Variants in NCKAP5 observed in about 807,000 individuals in gnomAD.
NCKAP5 encodes the protein NCK associated protein 5.
Under a neutral mutation model 167.0 loss-of-function variants are expected in NCKAP5, and 92 were observed. The observed-to-expected ratio is 0.55, with a 90% CI of 0.47 to 0.66. The LOEUF is 0.66. Ranked by LOEUF, NCKAP5 falls within the 30% of genes least tolerant of loss-of-function variation. The pLI, the probability that NCKAP5 is intolerant of heterozygous loss-of-function variation, is 0.00. For synonymous variants in NCKAP5, 891 were observed against 877.4 expected (o/e 1.02, Z -0.27); for missense variants, 2,378 against 2,315.0 (o/e 1.03, Z -0.56).
intron 5 of NCKAP5, among the ~76,000 whole-genome samples, chr2:133,134,941 C>T (rs1266077938): frequency 1.3e-5 from 2 of 152,128 alleles, no homozygotes; most frequent in African/African-American, 4.8e-5. Flanking sequence ...CAGCTATGTA[C>T]CCCCAACATG....
At chr2:132,724,783 T>G (rs1690285366) in intron 19 of NCKAP5, among the ~76,000 whole-genome samples, 1 of 152,134 alleles carries the variant, frequency 6.6e-6, no homozygotes, top group African/African-American at 2.4e-5. Context: ...TAATGAGCTC[T>G]TCTTACATGC....
At chr2:132,756,142 A>G (rs1239664442) in intron 16 of NCKAP5, among the ~76,000 whole-genome samples, 1 of 152,038 alleles carries the variant, frequency 6.6e-6, no homozygotes, top group Non-Finnish European at 1.5e-5. Flanking sequence ...ATCAATGAAA[A>G]CACACTCAAA....
At chr2:133,384,293 G>T (rs1254541630) in intron 3 of NCKAP5, among the ~76,000 whole-genome samples, 1 of 152,112 alleles carries the variant, frequency 6.6e-6, no homozygotes, top group African/African-American at 2.4e-5. Flanking sequence ...AGTTTTCCCA[G>T]CACCATTTAT....
intron 6 of NCKAP5, among the ~76,000 whole-genome samples, chr2:133,003,101 A>G (rs2077843260): frequency 6.6e-6 from 1 of 152,174 alleles, no homozygotes; most frequent in Non-Finnish European, 1.5e-5. Flanking sequence ...CATTACCTTA[A>G]TGAGGAAAGG....
At chr2:133,193,418 C>T (rs941587838) in intron 5 of NCKAP5, among the ~76,000 whole-genome samples, 1 of 151,998 alleles carries the variant, frequency 6.6e-6, no homozygotes, top group African/African-American at 2.4e-5. Flanking sequence ...GTCCTCTGGG[C>T]TCTCTCTGTA....
At chr2:133,468,894 C>T (rs1692817542) in intron 3 of NCKAP5, among the ~76,000 whole-genome samples, 1 of 152,226 alleles carries the variant, frequency 6.6e-6, no homozygotes, top group Admixed American at 6.5e-5. Context: ...GATTTTGAGC[C>T]TATGTGTGTC....
intron 7 of NCKAP5, among the ~76,000 whole-genome samples, chr2:132,993,769 C>T (rs1310317193): frequency 6.6e-6 from 1 of 152,194 alleles, no homozygotes. Flanking sequence ...TGTCACACCT[C>T]TGGCAAGTAT....
At chr2:133,086,896 C>T (rs946800623) in intron 6 of NCKAP5, among the ~76,000 whole-genome samples, 4 of 152,214 alleles carry the variant, frequency 2.6e-5, no homozygotes, top group African/African-American at 9.6e-5. Context: ...TATTTCCATG[C>T]ATCATCTATA....
At chr2:133,237,047 T>TAAAA (rs112372084) in intron 4 of NCKAP5, among the ~76,000 whole-genome samples, 4 of 143,008 alleles carry the variant, frequency 2.8e-5, no homozygotes, top group African/African-American at 1.0e-4. Flanking sequence ...TAAAGTATAA[T>TAAAA]AAAAAAAAAA....
In NCKAP5 at chr2:132,784,502, T is replaced by G. The variant is rs1443043063; in HGVS notation, c.2309A>C (p.Gln770Pro). The change falls in exon 14 of 20, where the codon CAG becomes CCG. Residue 770 changes from glutamine (Q) to proline (P), a missense_variant. Transcript: ENST00000409261. ...GTGTGTTGGTTTGACCAGCTTTTGC[T>G]GCTGAGGATTTTGTGTCACTGTCCT... is the stretch of plus-strand genomic sequence containing the variant. ...SSRTVTQNPQQQKLVKPTHNI... is the reference protein window; with the variant it reads ...SSRTVTQNPQPQKLVKPTHNI... The G allele has an allele frequency of 1.3e-6, 2 of 1,570,486 alleles. No homozygotes were observed. The highest frequency in any genetic ancestry group is 1.7e-6 in the Non-Finnish European group (2 of 1,159,322).
intron 16 of NCKAP5, among the ~76,000 whole-genome samples, chr2:132,741,853 T>C (rs1187468305): frequency 2.6e-5 from 4 of 152,046 alleles, no homozygotes; most frequent in Non-Finnish European, 4.4e-5. Flanking sequence ...TCAACCTTTT[T>C]CCCCCAATCT....
chr2:132,694,711 A>G (rs961696420), intron 19 of NCKAP5, among the ~76,000 whole-genome samples: 3 of 152,200 alleles, frequency 2.0e-5, no homozygotes, highest in African/African-American at 4.8e-5. Context: ...GCCATCTGGC[A>G]TAATGAACAG....
chr2:132,859,322 C>T (rs1375975714), intron 11 of NCKAP5, among the ~76,000 whole-genome samples: 1 of 152,106 alleles, frequency 6.6e-6, no homozygotes, highest in Non-Finnish European at 1.5e-5. Context: ...CCCGTTATTT[C>T]TCTGAGGAGT....
At chr2:133,191,581 T>C (rs1002932782) in intron 5 of NCKAP5, among the ~76,000 whole-genome samples, 9 of 152,144 alleles carry the variant, frequency 5.9e-5, no homozygotes, top group African/African-American at 2.2e-4. Flanking sequence ...TGGAATACTA[T>C]GCAGCCATAA....
chr2:133,284,729 A>C (rs771448938), intron 4 of NCKAP5: 2 of 152,212 alleles, frequency 1.3e-5, no homozygotes, highest in Non-Finnish European at 1.5e-5. Flanking sequence ...CTAACTTTAC[A>C]TGAAGACTCA....
At chr2:133,266,531 T>C (rs2089232354) in intron 4 of NCKAP5, 1 of 150,832 alleles carries the variant, frequency 6.6e-6, no homozygotes, top group African/African-American at 2.4e-5. Context: ...CGGTGGAGCA[T>C]GCTGCTGCGG....
intron 3 of NCKAP5, among the ~76,000 whole-genome samples, chr2:133,359,721 T>C (rs1684971035): frequency 6.6e-6 from 1 of 152,200 alleles, no homozygotes; most frequent in East Asian, 1.9e-4. Flanking sequence ...CTGAATCCTT[T>C]TAGAAGAGAC....
chr2:133,671,735 A>G, the NCKAP5 span, among the ~76,000 whole-genome samples: 1 of 145,356 alleles, frequency 6.9e-6, no homozygotes, highest in Non-Finnish European at 1.5e-5. Flanking sequence ...GTATTCTGGT[A>G]TACACAACAA....
At chr2:133,256,784 C>T (rs1424192828) in intron 4 of NCKAP5, among the ~76,000 whole-genome samples, 1 of 152,092 alleles carries the variant, frequency 6.6e-6, no homozygotes, top group Non-Finnish European at 1.5e-5. Flanking sequence ...ACACTAGAGG[C>T]CATTTATTAA....
Sources: allele counts gnomAD v4.1 joint callset (sites outside exome capture counted in the v4.1 genomes callset), GRCh38; gene constraint gnomAD v4.1.1; transcripts MANE v1.5; gene names NCBI Gene and HGNC (gene_info 2026-07-23, HGNC 2026-07-21).